EPHB1: variants seen among roughly 807,000 people sequenced by gnomAD.
The protein encoded by EPHB1 is EPH receptor B1, also known as ephrin type-B receptor 1.
In EPHB1, 30 loss-of-function variants were observed where a neutral mutation model predicts 94.4. That is an observed-to-expected ratio of 0.32 (90% confidence interval 0.24 to 0.43). The LOEUF is 0.43. Among genes scored for constraint, EPHB1 ranks in the 20% least tolerant of loss-of-function variants. The pLI, the probability that EPHB1 is intolerant of heterozygous loss-of-function variation, is 1.00. For missense variants in EPHB1, 1,055 were observed against 1,308.3 expected (o/e 0.81, Z 2.99); for synonymous variants, 522 against 489.1 (o/e 1.07, Z -0.89).
intron 2 of EPHB1, among the ~76,000 whole-genome samples, chr3:134,937,872 C>T (rs551122143): frequency 6.6e-6 from 1 of 151,846 alleles, no homozygotes; most frequent in African/African-American, 2.4e-5. Context: ...GAATACCCTG[C>T]CGCCGTTGCC....
chr3:135,186,261 CAT>C (rs1942326690), intron 10 of EPHB1, among the ~76,000 whole-genome samples: 1 of 152,198 alleles, frequency 6.6e-6, no homozygotes, highest in Admixed American at 6.5e-5. Context: ...GGTTCCATCT[CAT>C]GTGCCAACTC....
At chr3:135,133,798 C>T (rs545302266) in intron 5 of EPHB1, among the ~76,000 whole-genome samples, 1 of 152,262 alleles carries the variant, frequency 6.6e-6, no homozygotes, top group South Asian at 2.1e-4. Flanking sequence ...TATTACTTTT[C>T]ACAGCTCTTG....
intron 3 of EPHB1, among the ~76,000 whole-genome samples, chr3:135,074,256 GAGT>G: frequency 6.6e-6 from 1 of 152,178 alleles, no homozygotes; most frequent in Non-Finnish European, 1.5e-5. Context: ...TTGATCAGTG[GAGT>G]GTTTAAATAT....
intron 1 of EPHB1, among the ~76,000 whole-genome samples, chr3:134,812,085 G>A (rs1017612221): frequency 2.0e-5 from 3 of 152,158 alleles, no homozygotes; most frequent in Non-Finnish European, 2.9e-5. Flanking sequence ...TTCAAGGGAT[G>A]TGAAAATAGT....
At chr3:135,018,246 A>T (rs1559796644) in intron 3 of EPHB1, among the ~76,000 whole-genome samples, 1 of 152,062 alleles carries the variant, frequency 6.6e-6, no homozygotes, top group Non-Finnish European at 1.5e-5. Context: ...AGGCAGAGGT[A>T]ATTTGAGATC....
At chr3:134,977,745 A>G (rs1934243935) in intron 3 of EPHB1, among the ~76,000 whole-genome samples, 1 of 151,852 alleles carries the variant, frequency 6.6e-6, no homozygotes, top group South Asian at 2.1e-4. Context: ...CATTGGGAGG[A>G]TGGATTTGTC....
intron 3 of EPHB1, among the ~76,000 whole-genome samples, chr3:134,966,951 A>G (rs1415423610): frequency 6.6e-6 from 1 of 152,236 alleles, no homozygotes; most frequent in Non-Finnish European, 1.5e-5. Flanking sequence ...CACAGCAACC[A>G]GGGATGGGGG....
intron 12 of EPHB1, among the ~76,000 whole-genome samples, chr3:135,235,639 G>T (rs1943634099): frequency 6.6e-6 from 1 of 152,162 alleles, no homozygotes; most frequent in Non-Finnish European, 1.5e-5. Flanking sequence ...GGTGATTCCA[G>T]TAGGTAACCA....
chr3:135,100,434 A>G (rs978186319), intron 3 of EPHB1, among the ~76,000 whole-genome samples: 12 of 152,202 alleles, frequency 7.9e-5, no homozygotes, highest in African/African-American at 2.9e-4. Flanking sequence ...AAAGGGCTCC[A>G]ATAAAGATTA....
At chr3:134,931,749 G>A (rs2038906798) in intron 2 of EPHB1, among the ~76,000 whole-genome samples, 1 of 152,168 alleles carries the variant, frequency 6.6e-6, no homozygotes, top group Non-Finnish European at 1.5e-5. Context: ...ATATAAGTAT[G>A]TGTGTGCATG....
Position 135,052,997 on chromosome 3 carries a change from A to ATG in EPHB1, c.806-53443_806-53442dup, listed in dbSNP as rs1246498295. Among the ~76,000 whole-genome samples, 202 of 100,118 alleles carry ATG rather than the reference A, an allele frequency of 2.0e-3. 6 individuals are homozygous for ATG. The highest frequency in any genetic ancestry group is 7.6e-3 in the African/African-American group (176 of 23,214). The allele number at this position is 100,118 out of a possible 152,430, so 65.7% of individuals were successfully genotyped here. On this transcript the variant is annotated intron_variant, in intron 3 of 15. Transcript: ENST00000398015. ...TGTATATATATGTGTGTGTATATAT[A>ATG]TGTGTGTGTATATATATGTGTGTGT...
chr3:135,019,977 A>G (rs1935932792), intron 3 of EPHB1, among the ~76,000 whole-genome samples: 1 of 152,258 alleles, frequency 6.6e-6, no homozygotes, highest in Non-Finnish European at 1.5e-5. Context: ...ATTGGTCTCC[A>G]GATGCAGGCT....
chr3:134,982,688 G>A (rs1368009950), intron 3 of EPHB1, among the ~76,000 whole-genome samples: 4 of 152,218 alleles, frequency 2.6e-5, no homozygotes, highest in African/African-American at 9.6e-5. Flanking sequence ...TGAAAAATAT[G>A]ACAAGTCAGT....
chr3:135,154,313 G>GGCCA, intron 6 of EPHB1, 37 bp downstream of exon 6: 1 of 1,612,608 alleles, frequency 6.2e-7, no homozygotes, highest in Non-Finnish European at 8.5e-7. Context: ...CAAGACCCAA[G>GGCCA]GCCAGCCACT....
rs2107699730 is a variant in EPHB1 at position 135,166,093 on chromosome 3, C to G, written c.1694+17C>G. The G allele has an allele frequency of 1.3e-6, 2 of 1,592,440 alleles. No homozygotes were observed. Among genetic ancestry groups the G allele is most frequent in the Middle Eastern group, 1.7e-4 (1 of 6,004 alleles). Reference sequence around the variant, plus strand: ...CTGTAGCAGGTAGGTCCTCCACTCTCACTTGCTCTCCTTGGACCCAGGAAG... The same window carrying G: ...CTGTAGCAGGTAGGTCCTCCACTCTGACTTGCTCTCCTTGGACCCAGGAAG... On this transcript the variant is annotated intron_variant, in intron 8 of 15. Coordinates refer to ENST00000398015, the MANE Select transcript of EPHB1 (RefSeq NM_004441.5).
chr3:135,151,905 T>TCACTA (rs1941206265), intron 5 of EPHB1, among the ~76,000 whole-genome samples: 1 of 152,212 alleles, frequency 6.6e-6, no homozygotes, highest in African/African-American at 2.4e-5. Flanking sequence ...AAAGGTTATA[T>TCACTA]ATAACTGCCA....
chr3:135,064,160 T>A (rs1222267232), intron 3 of EPHB1, among the ~76,000 whole-genome samples: 1 of 151,474 alleles, frequency 6.6e-6, no homozygotes, highest in Non-Finnish European at 1.5e-5. Context: ...GTTTTCTTAT[T>A]TGGTTATGTC....
chr3:135,238,800 T>C (rs1943712496), intron 12 of EPHB1, among the ~76,000 whole-genome samples: 1 of 152,130 alleles, frequency 6.6e-6, no homozygotes, highest in Admixed American at 6.5e-5. Flanking sequence ...CTACCTCACT[T>C]AACCCAGGTA....
intron 3 of EPHB1, among the ~76,000 whole-genome samples, chr3:135,010,219 A>G (rs1935571343): frequency 6.6e-6 from 1 of 152,208 alleles, no homozygotes. Flanking sequence ...TTTTGGGTAG[A>G]GTAAAGATGA....
Sources: allele counts gnomAD v4.1 joint callset (sites outside exome capture counted in the v4.1 genomes callset), GRCh38; gene constraint gnomAD v4.1.1; transcripts MANE v1.5; gene names NCBI Gene and HGNC (gene_info 2026-07-23, HGNC 2026-07-21).